WDR47: variants seen among roughly 807,000 people sequenced by gnomAD.
The protein encoded by WDR47 is WD repeat-containing protein 47.
In WDR47, 32 loss-of-function variants were observed where a neutral mutation model predicts 97.2. The ratio of observed to expected loss-of-function variants is 0.33; its 90% CI spans 0.25 to 0.44. WDR47 has a LOEUF of 0.44. WDR47 is among the 20% of genes least tolerant of loss of function. The pLI, the probability that WDR47 is intolerant of heterozygous loss-of-function variation, is 1.00. For missense variants in WDR47, 782 were observed against 1,102.3 expected (o/e 0.71, Z 4.11); for synonymous variants, 375 against 373.5 (o/e 1.00, Z -0.05).
chr1:108,981,445 T>C (rs943511844), intron 13 of WDR47, among the ~76,000 whole-genome samples: 7 of 152,178 alleles, frequency 4.6e-5, no homozygotes, highest in African/African-American at 1.4e-4. Flanking sequence ...GCCATGTGCA[T>C]GCATTTTAAA....
rs1658688155 is a variant in WDR47 at position 108,985,225 on chromosome 1, A to C, written c.1925+1298T>G. ...TAGAAAGCTCTGCCTAATTTAGTTC[A>C]TGTCTATCTCTGCGGCCTTATCAAA... is the stretch of plus-strand genomic sequence containing the variant. On this transcript the variant is annotated intron_variant, in intron 10 of 14. Coordinates refer to ENST00000369962, the MANE Select transcript of WDR47 (RefSeq NM_001142551.2). 3.3e-5 allele frequency among the ~76,000 whole-genome samples: 5 copies of C among 152,150 alleles called. No individual in the cohort carries two copies. The South Asian group carries it at 1.0e-3, about 32-fold the overall frequency.
chr1:109,007,927 C>T (rs1027302371), intron 5 of WDR47, among the ~76,000 whole-genome samples: 1 of 151,982 alleles, frequency 6.6e-6, no homozygotes, highest in East Asian at 1.9e-4. Flanking sequence ...GATGGTGAAA[C>T]CCCGGCTCTA....
Position 108,986,540 on chromosome 1 carries a change from T to C in WDR47, c.1908A>G (p.Pro636=), listed in dbSNP as rs1658833131. The C allele has an allele frequency of 3.1e-6, 5 of 1,610,248 alleles. No individual in the cohort carries two copies. The highest frequency in any genetic ancestry group is 4.2e-6 in the Non-Finnish European group (5 of 1,178,398). Residue 636 remains proline (P), a synonymous_variant, in exon 10 of 15, where the codon CCA becomes CCG. Transcript: ENST00000369962. ...NSKTLRVCAY[P]DVIDPSAHET... ...ATCCTTACCTTGGATCAATTACATC[T>C]GGATAGGCACATACTCTCAGAGTTT...
In WDR47 at chr1:108,971,268, A is replaced by G; in HGVS notation, c.*162T>C. ...TGGAAGACTGAAAGCACTGCGGAAT[A>G]ACACCACCCAACACCTCCTATCAGT... is the stretch of plus-strand genomic sequence containing the variant. On this transcript the variant is annotated 3_prime_UTR_variant, in exon 15 of 15. Transcript: ENST00000369962. 2 of 948,372 alleles carry G rather than the reference A, an allele frequency of 2.1e-6. No individual in the cohort carries two copies. The highest frequency in any genetic ancestry group is 5.2e-5 in the East Asian group (2 of 38,610). The allele number at this position is 948,372 out of a possible 1,614,324, so 58.7% of individuals were successfully genotyped here.
chr1:109,004,756 G>A (rs761482746), intron 5 of WDR47, 41 bp from the exon 6 acceptor site: 69 of 1,542,166 alleles, frequency 4.5e-5, no homozygotes, highest in Non-Finnish European at 5.5e-5. Flanking sequence ...AGGCAGAGGG[G>A]GGAGTAAAGG....
At chr1:109,038,948 C>T (rs774107822) in intron 1 of WDR47, among the ~76,000 whole-genome samples, 4 of 152,040 alleles carry the variant, frequency 2.6e-5, no homozygotes, top group Non-Finnish European at 5.9e-5. Context: ...CACTGCACTC[C>T]AGCCTAGGCA....
At chr1:108,975,764 T>G (rs569820941) in intron 13 of WDR47, among the ~76,000 whole-genome samples, 43 of 152,070 alleles carry the variant, frequency 2.8e-4, no homozygotes, top group African/African-American at 1.0e-3. Flanking sequence ...AAGTTAGACC[T>G]TGAAAAACAA....
intron 1 of WDR47, among the ~76,000 whole-genome samples, chr1:109,037,561 A>C (rs1187752401): frequency 6.9e-6 from 1 of 145,206 alleles, no homozygotes; most frequent in African/African-American, 2.6e-5. Context: ...TGGGAGGCGG[A>C]GCTTGCAGTG....
In WDR47 at chr1:108,974,716, G is replaced by A. The variant is rs374063544; in HGVS notation, c.2437C>T (p.Arg813Cys). The A allele has an allele frequency of 1.7e-5, 28 of 1,613,198 alleles. No homozygotes were observed. Among genetic ancestry groups the A allele is most frequent in the South Asian group, 1.1e-5 (1 of 90,916 alleles). Residue 813 changes from arginine to cysteine, a missense_variant, in exon 14 of 15, where the codon CGT becomes TGT. By Grantham distance (180) the Arg-to-Cys change is radical (BLOSUM62 -3). Coordinates refer to ENST00000369962, the MANE Select transcript of WDR47 (RefSeq NM_001142551.2). ...VASVAVDPSG[R>C]LLATGQEDSS... ...TCTTCTTGACCTGTGGCTAAGAGAC[G>A]ACCACTGGGATCTACAGCTACAGAT...
At chr1:109,033,773 G>C (rs1302559122) in intron 1 of WDR47, among the ~76,000 whole-genome samples, 1 of 152,196 alleles carries the variant, frequency 6.6e-6, no homozygotes, top group Non-Finnish European at 1.5e-5. Flanking sequence ...ACAAAAATTA[G>C]CTGGACGTGA....
In WDR47 at chr1:109,001,377, G is replaced by A. The variant is rs189917933; in HGVS notation, c.1433+847C>T. Among the ~76,000 whole-genome samples the A allele has an allele frequency of 6.6e-4, 100 of 151,926 alleles. 1 individual carries two copies. In the East Asian group the frequency reaches 0.018, roughly 27 times the overall value. ...TGTGTATATATTTCTCCTATAATTG[G>A]AAACAATAAATGTAGTTCATATTGT... On this transcript the variant is annotated intron_variant, in intron 7 of 14. Coordinates refer to ENST00000369962, the MANE Select transcript of WDR47 (RefSeq NM_001142551.2).
At chr1:109,018,541 G>T (rs75138982) in intron 2 of WDR47, among the ~76,000 whole-genome samples, 23 of 152,168 alleles carry the variant, frequency 1.5e-4, no homozygotes, top group Admixed American at 1.4e-3. Flanking sequence ...GTGGCTGGGC[G>T]CAGTGGCTCA....
intron 6 of WDR47, 64 bp downstream of exon 6, chr1:109,004,528 G>A (rs2101912366): frequency 6.7e-7 from 1 of 1,492,014 alleles, no homozygotes; most frequent in East Asian, 2.4e-5. Flanking sequence ...TACATTCTAA[G>A]TAAATTCTAT....
chr1:109,034,564 G>C (rs750274512), intron 1 of WDR47, among the ~76,000 whole-genome samples: 4 of 152,200 alleles, frequency 2.6e-5, no homozygotes, highest in Non-Finnish European at 4.4e-5. Flanking sequence ...CTGCAGACAA[G>C]GGAGCATTAC....
chr1:108,975,232 TG>T (rs1483686199), intron 13 of WDR47, among the ~76,000 whole-genome samples: 2 of 152,086 alleles, frequency 1.3e-5, no homozygotes, highest in Non-Finnish European at 2.9e-5. Flanking sequence ...AATAAGCTCT[TG>T]GGGGCATATA....
At chr1:109,015,294 CA>C (rs978612973) in intron 3 of WDR47, among the ~76,000 whole-genome samples, 3 of 151,806 alleles carry the variant, frequency 2.0e-5, no homozygotes, top group African/African-American at 7.3e-5. Flanking sequence ...CATAAAATAC[CA>C]AAAAAAGGTG....
Position 108,991,140 on chromosome 1 carries a change from G to A in WDR47, c.1767+114C>T, listed in dbSNP as rs576683574. 284 of 925,746 alleles carry A rather than the reference G, an allele frequency of 3.1e-4. 4 individuals carry two copies. In the South Asian group the frequency reaches 3.2e-3, roughly 10 times the overall value. 57.3% of individuals were successfully genotyped at this position (925,746 alleles called of 1,614,324 possible). A position where few individuals can be genotyped will look rare whatever the true frequency, so the allele number is the denominator to read the frequency against. On this transcript the variant is annotated intron_variant, in intron 9 of 14. Coordinates refer to ENST00000369962, the MANE Select transcript of WDR47 (RefSeq NM_001142551.2). ...ACATTCTTCTGCCTCGGCCTCCTGG[G>A]TACTGTACACCACCACGTCTGACTA...
chr1:108,999,206 A>T (rs926862327), intron 7 of WDR47, among the ~76,000 whole-genome samples: 4 of 151,620 alleles, frequency 2.6e-5, no homozygotes, highest in Non-Finnish European at 5.9e-5. Context: ...CAGCCTGGGC[A>T]ACAAGAGCAA....
At chr1:109,020,795 TAA>T (rs1661777182) in intron 2 of WDR47, among the ~76,000 whole-genome samples, 1 of 151,818 alleles carries the variant, frequency 6.6e-6, no homozygotes. Context: ...GCAACAAGTT[TAA>T]ATAGAGTCCC....
Sources: gnomAD v4.1 joint callset for allele counts (sites outside exome capture counted in the v4.1 genomes callset) on GRCh38, gnomAD v4.1.1 for gene constraint, MANE v1.5 for transcripts, NCBI Gene and HGNC (gene_info 2026-07-23, HGNC 2026-07-21) for gene names.